The following CDIN1 variants were observed in gnomAD, a reference collection of about 807,000 sequenced individuals.
CDIN1 encodes CDAN1 interacting nuclease 1, also known as CDAN1-interacting nuclease 1.
CDIN1 carries 33 observed loss-of-function variants against 45.3 expected under a neutral mutation model. The ratio of observed to expected loss-of-function variants is 0.73; its 90% CI spans 0.55 to 0.97. The LOEUF is 0.97. CDIN1 is among the 50% of genes least tolerant of loss of function. The pLI is 0.00. For synonymous variants in CDIN1, 118 were observed against 124.4 expected (o/e 0.95, Z 0.34); for missense variants, 303 against 339.4 (o/e 0.89, Z 0.84).
Position 36,579,726 on chromosome 15 carries a change from G to A in CDIN1, c.-135G>A, listed in dbSNP as rs911020038. 3.3e-5 allele frequency: 22 copies of A among 658,562 alleles called. No homozygotes were observed. Among genetic ancestry groups the A allele is most frequent in the Admixed American group, 1.4e-4 (5 of 34,714 alleles). 40.8% of individuals were successfully genotyped at this position (658,562 alleles called of 1,614,324 possible). On this transcript the variant is annotated 5_prime_UTR_variant, in exon 1 of 11. Transcript: ENST00000566621. ...TGCAGCTAGGGGTGTGTTTCAGGGG[G>A]GATTGGGGCAAGCCAAGCAGGCGAG...
intron 1 of CDIN1, among the ~76,000 whole-genome samples, chr15:36,585,086 A>G (rs530261252): frequency 1.1e-4 from 17 of 152,294 alleles, no homozygotes; most frequent in Admixed American, 3.3e-4. Flanking sequence ...TATATTTTAC[A>G]TTATAATTTC....
intron 8 of CDIN1, chr15:36,707,467 C>A (rs1191022552): frequency 6.6e-6 from 1 of 152,098 alleles, no homozygotes; most frequent in Non-Finnish European, 1.5e-5. Context: ...TATTAAGTCA[C>A]CCATGCAATT....
At chr15:36,627,541 C>T (rs2140336006) in intron 1 of CDIN1, 1 of 154,008 alleles carries the variant, frequency 6.5e-6, no homozygotes, top group South Asian at 1.9e-4. Flanking sequence ...TGATGTGCGT[C>T]TCCTTGCTGC....
chr15:36,668,750 C>T (rs563231982), intron 5 of CDIN1, among the ~76,000 whole-genome samples: 3 of 152,008 alleles, frequency 2.0e-5, no homozygotes, highest in Non-Finnish European at 2.9e-5. Flanking sequence ...CACAATATGT[C>T]GAGTTGGAGT....
In CDIN1 at chr15:36,711,501, G is replaced by A. The variant is rs1040380720; in HGVS notation, c.716+1540G>A. Among the ~76,000 whole-genome samples the A allele has an allele frequency of 2.6e-5, 4 of 152,146 alleles. No individual in the cohort carries two copies. In the East Asian group the frequency reaches 7.7e-4, roughly 29 times the overall value. The stretch of plus-strand genomic sequence containing the variant: ...TCTAGTCACCTAGATGATAGATTTA[G>A]GGATTATTGACATGCCTGGAGGATG... On this transcript the variant is annotated intron_variant, in intron 10 of 10. Transcript: ENST00000566621.
chr15:36,802,931 C>T (rs1404335930), intron 10 of CDIN1, among the ~76,000 whole-genome samples: 1 of 152,094 alleles, frequency 6.6e-6, no homozygotes, highest in African/African-American at 2.4e-5. Flanking sequence ...AATACATTAA[C>T]AGCTTTCACT....
intron 10 of CDIN1, among the ~76,000 whole-genome samples, chr15:36,791,365 A>G (rs80059124): frequency 2.6e-5 from 4 of 152,204 alleles, no homozygotes; most frequent in Admixed American, 2.6e-4. Context: ...GCATAGCACA[A>G]ACTATCTAGT....
chr15:36,654,135 G>C lies in CDIN1; in HGVS notation c.250G>C (p.Val84Leu). The change falls in exon 4 of 11, where the codon GTG (valine) becomes CTG (leucine). Residue 84 changes from valine to leucine, a missense_variant. Physicochemically the swap from Val to Leu is conservative, Grantham distance 32. Coordinates refer to ENST00000566621, the MANE Select transcript of CDIN1 (RefSeq NM_001321759.2). ...AGTGGTGAAAAATGGAGCTGCCCCA[G>C]TGCTCCTGGACCTGGCCAATGAGGT... is the stretch of plus-strand genomic sequence containing the variant. Reference protein sequence around the residue: ...NGVVKNGAAPVLLDLANEVDY... With the variant: ...NGVVKNGAAPLLLDLANEVDY... 1.3e-6 allele frequency: 2 copies of C among 1,576,776 alleles called. No individual in the cohort carries two copies.
intron 10 of CDIN1, among the ~76,000 whole-genome samples, chr15:36,729,712 A>G (rs929624814): frequency 2.0e-5 from 3 of 152,180 alleles, no homozygotes; most frequent in Non-Finnish European, 2.9e-5. Flanking sequence ...GGTGCTAGAA[A>G]AAGTTGTCCT....
intron 10 of CDIN1, among the ~76,000 whole-genome samples, chr15:36,773,942 T>C (rs1002575363): frequency 1.3e-5 from 2 of 152,248 alleles, no homozygotes; most frequent in African/African-American, 4.8e-5. Flanking sequence ...CTCTGAAAGC[T>C]ACTTCCTGCA....
chr15:36,665,992 C>T (rs1226926727), intron 5 of CDIN1, among the ~76,000 whole-genome samples: 4 of 152,038 alleles, frequency 2.6e-5, no homozygotes, highest in Non-Finnish European at 5.9e-5. Context: ...ATATTTATTG[C>T]AGAACCATGC....
chr15:36,615,423 G>T (rs1370335433), intron 1 of CDIN1, among the ~76,000 whole-genome samples: 1 of 152,142 alleles, frequency 6.6e-6, no homozygotes, highest in Non-Finnish European at 1.5e-5. Context: ...CAACTGTTTT[G>T]ATACTGAATA....
At chr15:36,651,898 T>C (rs1295710497) in intron 3 of CDIN1, among the ~76,000 whole-genome samples, 1 of 152,232 alleles carries the variant, frequency 6.6e-6, no homozygotes, top group Non-Finnish European at 1.5e-5. Context: ...TCATCTTCTG[T>C]TTCTTTAAAC....
chr15:36,740,456 A>G (rs1405311669), intron 10 of CDIN1, among the ~76,000 whole-genome samples: 2 of 151,934 alleles, frequency 1.3e-5, no homozygotes, highest in Non-Finnish European at 2.9e-5. Context: ...AACAGAAAGG[A>G]GTGGAAACTG....
intron 1 of CDIN1, among the ~76,000 whole-genome samples, chr15:36,625,206 G>A (rs999094866): frequency 2.6e-5 from 4 of 151,924 alleles, no homozygotes; most frequent in Admixed American, 6.5e-5. Flanking sequence ...GTGTGAACCC[G>A]GGAGGCAGAG....
intron 10 of CDIN1, among the ~76,000 whole-genome samples, chr15:36,800,602 G>T (rs545749364): frequency 6.6e-6 from 1 of 151,914 alleles, no homozygotes; most frequent in Non-Finnish European, 1.5e-5. Context: ...TCTACAACAC[G>T]TAGATTAAAA....
intron 5 of CDIN1, among the ~76,000 whole-genome samples, chr15:36,685,514 C>G (rs2042008675): frequency 6.6e-6 from 1 of 152,066 alleles, no homozygotes; most frequent in Non-Finnish European, 1.5e-5. Flanking sequence ...GTGGTCATGT[C>G]TAAAACACCA....
intron 3 of CDIN1, chr15:36,647,768 A>G (rs1192970620): frequency 3.9e-5 from 1 of 25,642 alleles, no homozygotes; most frequent in African/African-American, 1.2e-4. Flanking sequence ...GTTAATGGCA[A>G]TTTAATTTAA....
chr15:36,629,805 C>T (rs2039606620), intron 1 of CDIN1, among the ~76,000 whole-genome samples: 2 of 152,106 alleles, frequency 1.3e-5, no homozygotes, highest in Non-Finnish European at 2.9e-5. Flanking sequence ...TCTTCATAAC[C>T]TTCTTGTCTA....
Sources: allele counts gnomAD v4.1 joint callset (sites outside exome capture counted in the v4.1 genomes callset), GRCh38; gene constraint gnomAD v4.1.1; transcripts MANE v1.5; gene names NCBI Gene and HGNC (gene_info 2026-07-23, HGNC 2026-07-21).